The following PPFIA1 variants were observed in gnomAD, a reference collection of about 807,000 sequenced individuals.
PPFIA1 encodes liprin-alpha-1.
Under a neutral mutation model 149.9 loss-of-function variants are expected in PPFIA1, and 25 were observed. The observed-to-expected ratio is 0.17, with a 90% CI of 0.12 to 0.23. The LOEUF is 0.23. Ranked by LOEUF, PPFIA1 falls within the 10% of genes least tolerant of loss-of-function variation. The pLI is 1.00. For synonymous variants in PPFIA1, 549 were observed against 552.8 expected (o/e 0.99, Z 0.10); for missense variants, 1,362 against 1,506.5 (o/e 0.90, Z 1.59).
chr11:70,377,886 T>C (rs2277273), intron 25 of PPFIA1, 144 bp from the exon 26 acceptor site: 91,903 of 692,298 alleles, frequency 0.13, 7,690 homozygotes, highest in African/African-American at 0.32. Context: ...GGGCAATATA[T>C]TGTGTGGTCA....
intron 2 of PPFIA1, chr11:70,282,217 C>CT (rs1416838594): frequency 5.3e-5 from 8 of 152,328 alleles, no homozygotes; most frequent in African/African-American, 1.9e-4. Flanking sequence ...TTCCACCCTG[C>CT]TGTAGTCTCT....
rs1166285723 is a variant in PPFIA1 at position 70,376,548 on chromosome 11, A to G, written c.3332A>G (p.Glu1111Gly). 6.2e-7 allele frequency: 1 copy of G among 1,613,870 alleles called. No individual in the cohort carries two copies. The highest frequency in any genetic ancestry group is 1.1e-5 in the South Asian group (1 of 91,086). The change falls in exon 25 of 28, where the codon GAA becomes GGA. Residue 1111 changes from glutamate (E) to glycine (G), a missense_variant. Coordinates refer to ENST00000253925, the MANE Select transcript of PPFIA1 (RefSeq NM_003626.5). Reference sequence around the variant, plus strand: ...TTATTTCAGGCTCGTGCTGTCTTGGAAAGAGAATTTAACAACCTTTTGGTC... The same window carrying G: ...TTATTTCAGGCTCGTGCTGTCTTGGGAAGAGAATTTAACAACCTTTTGGTC... ...TQNTQARAVL[E>G]REFNNLLVMG...
intron 2 of PPFIA1, among the ~76,000 whole-genome samples, chr11:70,301,698 A>G (rs2052494636): frequency 6.6e-6 from 1 of 152,204 alleles, no homozygotes; most frequent in Non-Finnish European, 1.5e-5. Context: ...TCTATTTAGT[A>G]AGCTTAATAG....
intron 5 of PPFIA1, 98 bp from the exon 6 acceptor site, chr11:70,326,164 C>G (rs191419109): frequency 7.4e-6 from 5 of 678,384 alleles, no homozygotes. Context: ...CTATGTTAAG[C>G]AGTTTTTAGT....
rs149630964 is a variant in PPFIA1 at position 70,343,830 on chromosome 11, C to T, written c.1869C>T (p.Ala623=). Residue 623 remains alanine (A), a synonymous_variant, in exon 15 of 28, where the codon GCC becomes GCT. Transcript: ENST00000253925. ...ACCTGCTATCGCCCAGCGGGCAGGC[C>T]GACGCGCACACACTAGCCATGATGC... ...SVDLLSPSGQ[A]DAHTLAMMLQ... The T allele has an allele frequency of 9.2e-5, 149 of 1,614,000 alleles. 1 individual carries two copies. The highest frequency in any genetic ancestry group is 5.2e-4 in the South Asian group (47 of 91,082).
chr11:70,363,056 A>G (rs2056742726), intron 21 of PPFIA1: 2 of 152,438 alleles, frequency 1.3e-5, no homozygotes, highest in Admixed American at 6.5e-5. Flanking sequence ...AGTAATTAAC[A>G]TTTGTACTAT....
At chr11:70,296,791 T>C (rs1440868428) in intron 2 of PPFIA1, among the ~76,000 whole-genome samples, 2 of 150,684 alleles carry the variant, frequency 1.3e-5, no homozygotes, top group Admixed American at 1.3e-4. Flanking sequence ...GAGGAGAATT[T>C]TCTTTATCAC....
rs117328035 is a variant in PPFIA1, at chr11:70,291,692, C to T, written c.264+19256C>T. Among the ~76,000 whole-genome samples, 911 of 152,220 alleles carry T rather than the reference C, an allele frequency of 6.0e-3. 6 individuals carry two copies. Among genetic ancestry groups the T allele is most frequent in the Non-Finnish European group, 9.4e-3 (636 of 68,006 alleles). ...TTTACTTATTTATTTATTTTTGAGA[C>T]AGGGTCTCACTCTGTCATCCAGTCT... On this transcript the variant is annotated intron_variant, in intron 2 of 27. Transcript: ENST00000253925.
At chr11:70,323,909 G>C (rs151328450) in intron 2 of PPFIA1, among the ~76,000 whole-genome samples, 17 of 152,282 alleles carry the variant, frequency 1.1e-4, no homozygotes, top group Admixed American at 6.5e-4. Flanking sequence ...ACTGCAGTGA[G>C]CCATGGTCAC....
intron 2 of PPFIA1, among the ~76,000 whole-genome samples, chr11:70,295,712 C>T (rs545828533): frequency 1.0e-4 from 14 of 139,642 alleles, no homozygotes; most frequent in East Asian, 9.6e-4. Flanking sequence ...CCCTCCCGGA[C>T]GGGGCGGCTG....
intron 23 of PPFIA1, 80 bp downstream of exon 23, chr11:70,372,654 A>G (rs1275122854): frequency 1.7e-6 from 2 of 1,191,712 alleles, no homozygotes; most frequent in Non-Finnish European, 2.4e-6. Context: ...CCTATTTTTC[A>G]AAAAATCAAG....
At position 70,348,262 on chromosome 11, in the gene PPFIA1, C is replaced by G. The variant is rs1181170553; in HGVS notation, c.2005C>G (p.Leu669Val). The change falls in exon 16 of 28, where the codon CTA becomes GTA. Residue 669 changes from leucine to valine, a missense_variant. Leu to Val is a conservative substitution (Grantham distance 32). This residue lies in a region of PPFIA1 where 733 missense variants were observed against 744.1 expected (regional missense o/e 0.99). Transcript: ENST00000253925. ...TGAAAGTCGAGTTGGCAGTGGAAGTCTAGACAATCTTGGTCGTTTTAGATC... is the reference window on the plus strand; with the variant it reads ...TGAAAGTCGAGTTGGCAGTGGAAGTGTAGACAATCTTGGTCGTTTTAGATC... ...EIESRVGSGSLDNLGRFRSMS... is the reference protein window; with the variant it reads ...EIESRVGSGSVDNLGRFRSMS... 6.2e-7 allele frequency: 1 copy of G among 1,614,220 alleles called. No individual in the cohort carries two copies. The highest frequency in any genetic ancestry group is 8.5e-7 in the Non-Finnish European group (1 of 1,180,038).
Position 70,330,243 on chromosome 11 carries a change from G to T in PPFIA1, c.1001G>T (p.Arg334Leu), listed in dbSNP as rs762999066. 6.2e-7 allele frequency: 1 copy of T among 1,601,676 alleles called. No homozygotes were observed. Among genetic ancestry groups the T allele is most frequent in the South Asian group, 1.1e-5 (1 of 89,002 alleles). ...TLEKRYLAAQREATSVHDLND... is the reference protein window; with the variant it reads ...TLEKRYLAAQLEATSVHDLND... ...GAAAAACGCTACCTCGCTGCACAGC[G>T]TGAAGCCACATCTGTGCATGACCTC... Residue 334 changes from arginine to leucine, a missense_variant, in exon 8 of 28, where the codon CGT becomes CTT. Coordinates refer to ENST00000253925, the MANE Select transcript of PPFIA1 (RefSeq NM_003626.5).
intron 2 of PPFIA1, among the ~76,000 whole-genome samples, chr11:70,314,955 C>T (rs375287738): frequency 7.2e-5 from 11 of 152,172 alleles, no homozygotes; most frequent in South Asian, 2.1e-4. Context: ...TTTCACTGGG[C>T]GGCAGGACGG....
At chr11:70,379,471 A>T (rs1042915450) in intron 26 of PPFIA1, among the ~76,000 whole-genome samples, 17 of 150,588 alleles carry the variant, frequency 1.1e-4, no homozygotes, top group African/African-American at 3.2e-4. Context: ...AAAAAAAAAA[A>T]TTTTTTTTTA....
At chr11:70,290,442 C>G (rs1263843889) in intron 2 of PPFIA1, among the ~76,000 whole-genome samples, 1 of 152,206 alleles carries the variant, frequency 6.6e-6, no homozygotes, top group Non-Finnish European at 1.5e-5. Context: ...TTCTTTCACT[C>G]TCAGAAATGA....
Position 70,379,470 on chromosome 11 carries a change from A to AT in PPFIA1, c.3550+1275_3550+1276insT, listed in dbSNP as rs923982192. Among the ~76,000 whole-genome samples, 55 of 151,754 alleles carry AT rather than the reference A, an allele frequency of 3.6e-4. 1 individual carries two copies. Among genetic ancestry groups the AT allele is most frequent in the African/African-American group, 1.3e-3 (53 of 41,318 alleles). ...GAGACTCTGTCTCAAAAAAAAAAAA[A>AT]ATTTTTTTTTAAGTGCTAATTAGGG... On this transcript the variant is annotated intron_variant, in intron 26 of 27. Transcript: ENST00000253925.
intron 15 of PPFIA1, among the ~76,000 whole-genome samples, chr11:70,344,751 A>G (rs1284660717): frequency 6.6e-6 from 1 of 152,240 alleles, no homozygotes; most frequent in East Asian, 1.9e-4. Flanking sequence ...AGTGTGTAAT[A>G]AAACAGGAAG....
At chr11:70,359,381 T>A (rs1431174788) in intron 19 of PPFIA1, among the ~76,000 whole-genome samples, 1 of 152,190 alleles carries the variant, frequency 6.6e-6, no homozygotes, top group Admixed American at 6.5e-5. Context: ...CGACCCTACA[T>A]CTTTCCTCAG....
Sources: allele counts gnomAD v4.1 joint callset (sites outside exome capture counted in the v4.1 genomes callset), GRCh38; gene constraint gnomAD v4.1.1; regional missense constraint gnomAD v4.1.1; transcripts MANE v1.5; gene names NCBI Gene and HGNC (gene_info 2026-07-23, HGNC 2026-07-21).